The following PIEZO2 variants were observed in gnomAD, a reference collection of about 807,000 sequenced individuals.
PIEZO2 encodes piezo type mechanosensitive ion channel component 2.
A neutral mutation model predicts 337.3 loss-of-function variants in PIEZO2; 172 were observed. The ratio of observed to expected loss-of-function variants is 0.51; its 90% CI spans 0.45 to 0.58. The LOEUF (loss-of-function observed/expected upper bound fraction) is 0.58. PIEZO2 is among the 20% of genes least tolerant of loss of function. PIEZO2 has a pLI of 0.00. For missense variants in PIEZO2, 3,028 were observed against 3,391.3 expected, an observed-to-expected ratio of 0.89 and a Z score of 2.66; for synonymous variants, 1,251 against 1,228.5, an observed-to-expected ratio of 1.02 and a Z score of -0.38.
chr18:11,045,182 A>C (rs2145824612), intron 2 of PIEZO2, among the ~76,000 whole-genome samples: 1 of 151,162 alleles, frequency 6.6e-6, no homozygotes, highest in South Asian at 2.1e-4. Flanking sequence ...CTGTAGTCTC[A>C]GCTACCTGGG....
chr18:11,117,200 A>C (rs549827905), intron 1 of PIEZO2, among the ~76,000 whole-genome samples: 3 of 152,364 alleles, frequency 2.0e-5, no homozygotes, highest in Middle Eastern at 3.4e-3. Context: ...GGAGATGGAT[A>C]TCCTAAACAC....
At chr18:10,902,626 A>G (rs1236554553) in intron 4 of PIEZO2, among the ~76,000 whole-genome samples, 2 of 152,222 alleles carry the variant, frequency 1.3e-5, no homozygotes, top group African/African-American at 4.8e-5. Flanking sequence ...AAGTAATAGT[A>G]TAAATAATAT....
intron 43 of PIEZO2, among the ~76,000 whole-genome samples, chr18:10,701,418 C>A (rs2035325361): frequency 6.6e-6 from 1 of 152,214 alleles, no homozygotes; most frequent in Non-Finnish European, 1.5e-5. Flanking sequence ...TGAGTGGCCT[C>A]CTCCACAATA....
In PIEZO2 at chr18:10,861,886, C is replaced by T. The variant is rs189177082; in HGVS notation, c.493-4675G>A. ...TACAAAAATTAGCTGGGCATGGTGG[C>T]GCACGCCTGTAATCCCAGCTACTCA... On this transcript the variant is annotated intron_variant, in intron 5 of 55. Coordinates refer to ENST00000674853, the MANE Select transcript of PIEZO2 (RefSeq NM_001378183.1). This position sits in a 1 kb window ranked among gnomAD's most constrained non-coding sequence, Gnocchi z 4.3. Among the ~76,000 whole-genome samples, 75 of 152,016 alleles carry T rather than the reference C, an allele frequency of 4.9e-4. No individual in the cohort carries two copies. In the East Asian group the frequency reaches 5.6e-3, roughly 11 times the overall value.
At chr18:11,023,634 C>T (rs2036404376) in intron 2 of PIEZO2, among the ~76,000 whole-genome samples, 1 of 152,254 alleles carries the variant, frequency 6.6e-6, no homozygotes, top group Non-Finnish European at 1.5e-5. Flanking sequence ...CCTGCCAGTC[C>T]CGTGCCGTGT....
intron 2 of PIEZO2, among the ~76,000 whole-genome samples, chr18:11,065,327 G>A (rs1014103355): frequency 4.6e-5 from 7 of 152,098 alleles, no homozygotes; most frequent in African/African-American, 9.7e-5. Flanking sequence ...GTAAACATAC[G>A]GCCATTGCAC....
At position 11,031,847 on chromosome 18, in the gene PIEZO2, G is replaced by C. The variant is rs536304880; in HGVS notation, c.160+34280C>G. Among the ~76,000 whole-genome samples the C allele has an allele frequency of 6.6e-6, 1 of 152,200 alleles. No individual in the cohort carries two copies. Among genetic ancestry groups the C allele is most frequent in the East Asian group, 1.9e-4 (1 of 5,184 alleles). On this transcript the variant is annotated intron_variant, in intron 2 of 55. Coordinates refer to ENST00000674853, the MANE Select transcript of PIEZO2 (RefSeq NM_001378183.1). This position sits in a 1 kb window ranked among gnomAD's most constrained non-coding sequence, Gnocchi z 4.7. The stretch of plus-strand genomic sequence containing the variant: ...GGCAATGGCTATTTATTAATCTATT[G>C]GGTGTATTTTAATATTTTATAATCC...
rs755483662 is a variant in PIEZO2 at position 10,736,749 on chromosome 18, A to G, written c.4709-39T>C. ...AATATTCACTCATTTCTTGAAAGAC[A>G]TATAAGGAAATTGGGGGCTTATTAA... is the stretch of plus-strand genomic sequence containing the variant. On this transcript the variant is annotated intron_variant, in intron 33 of 55. Transcript: ENST00000674853. The G allele has an allele frequency of 7.2e-6, 11 of 1,525,324 alleles. No homozygotes were observed. In the Admixed American group the frequency reaches 1.2e-4, roughly 17 times the overall value. 94.5% of individuals were successfully genotyped at this position (1,525,324 alleles called of 1,614,324 possible).
At chr18:11,062,442 C>A (rs1457915043) in intron 2 of PIEZO2, among the ~76,000 whole-genome samples, 1 of 152,140 alleles carries the variant, frequency 6.6e-6, no homozygotes. Flanking sequence ...CTCTGCACAG[C>A]AAAAGAAACT....
Position 11,127,310 on chromosome 18 carries a change from G to A in PIEZO2, c.64+21215C>T, listed in dbSNP as rs1041688773. 1.3e-5 allele frequency among the ~76,000 whole-genome samples: 2 copies of A among 152,190 alleles called. No individual in the cohort carries two copies. Among genetic ancestry groups the A allele is most frequent in the African/African-American group, 4.8e-5 (2 of 41,452 alleles). On this transcript the variant is annotated intron_variant, in intron 1 of 55. Transcript: ENST00000674853. The surrounding 1 kb of genome is among the most constrained non-coding windows in gnomAD (Gnocchi z 4.5). The stretch of plus-strand genomic sequence containing the variant: ...AAAGCAAAAATAGTTGCATCTGAAT[G>A]TGATGGTTAATACTGAGTGTGAACT...
intron 3 of PIEZO2, among the ~76,000 whole-genome samples, chr18:10,925,724 C>T (rs1310073815): frequency 1.3e-5 from 2 of 152,268 alleles, no homozygotes; most frequent in Non-Finnish European, 2.9e-5. Context: ...GGACTACAGG[C>T]GCCCGCCCTA....
chr18:10,770,506 T>C (rs1308505026), intron 20 of PIEZO2, among the ~76,000 whole-genome samples, 198 bp from the exon 21 acceptor site: 1 of 152,194 alleles, frequency 6.6e-6, no homozygotes, highest in Non-Finnish European at 1.5e-5. Context: ...CTCTCAGACT[T>C]GGAGGGACAA....
Position 10,696,201 on chromosome 18 carries a change from C to T in PIEZO2, c.7063G>A (p.Gly2355Arg). The T allele has an allele frequency of 6.2e-7, 1 of 1,613,890 alleles. No individual in the cohort carries two copies. The change falls in exon 47 of 56, where the codon GGA becomes AGA. Residue 2355 changes from glycine (G) to arginine (R), a missense_variant. Transcript: ENST00000674853. ...PFLVMVLIQF[G>R]TMVVDRALYL... ...AGGGCTCGGTCCACCACCATGGTTC[C>T]AAACTGAATGAGGACCATCACCAAA...
intron 47 of PIEZO2, among the ~76,000 whole-genome samples, chr18:10,694,010 A>G (rs2034976438): frequency 6.6e-6 from 1 of 152,182 alleles, no homozygotes; most frequent in Non-Finnish European, 1.5e-5. Context: ...GCTATATTTA[A>G]TCTCCCAATA....
chr18:10,752,586 T>G, intron 28 of PIEZO2, 50 bp downstream of exon 28: 1 of 1,521,374 alleles, frequency 6.6e-7, no homozygotes, highest in Non-Finnish European at 8.8e-7. Context: ...AGTGGACTGT[T>G]TACTCTTACA....
chr18:10,959,703 G>A (rs1056872134), intron 3 of PIEZO2, among the ~76,000 whole-genome samples: 19 of 152,178 alleles, frequency 1.2e-4, no homozygotes, highest in Admixed American at 5.9e-4. Context: ...TTGTCCAAGG[G>A]TAAAGAGAAG....
chr18:10,685,697 G>A (rs1031853875), intron 49 of PIEZO2, among the ~76,000 whole-genome samples: 4 of 152,180 alleles, frequency 2.6e-5, no homozygotes, highest in South Asian at 4.1e-4. Context: ...TCATTCAGGG[G>A]CTTTTGTGAT....
chr18:11,036,369 T>C (rs1410253226), intron 2 of PIEZO2, among the ~76,000 whole-genome samples: 4 of 152,170 alleles, frequency 2.6e-5, no homozygotes, highest in Non-Finnish European at 5.9e-5. Context: ...CTGAATTCTG[T>C]ACATAACTAT....
At position 10,833,650 on chromosome 18, in the gene PIEZO2, C is replaced by T. The variant is rs1359610151; in HGVS notation, c.917+21703G>A. ...TTCCAGAGCCAAGTACAGTTCCAATCTGTGTCTACCCGCAGGCTTCACCCA... is the reference window on the plus strand; with the variant it reads ...TTCCAGAGCCAAGTACAGTTCCAATTTGTGTCTACCCGCAGGCTTCACCCA... On this transcript the variant is annotated intron_variant, in intron 7 of 55. Coordinates refer to ENST00000674853, the MANE Select transcript of PIEZO2 (RefSeq NM_001378183.1). The surrounding 1 kb of genome is among the most constrained non-coding windows in gnomAD (Gnocchi z 4.7). 6.6e-6 allele frequency among the ~76,000 whole-genome samples: 1 copy of T among 152,236 alleles called. No individual in the cohort carries two copies. The highest frequency in any genetic ancestry group is 1.9e-4 in the East Asian group (1 of 5,196).
Sources: gnomAD v4.1 joint callset for allele counts (sites outside exome capture counted in the v4.1 genomes callset) on GRCh38, gnomAD v4.1.1 for gene constraint, Gnocchi (gnomAD v3.1) non-coding constraint, MANE v1.5 for transcripts, NCBI Gene and HGNC (gene_info 2026-07-23, HGNC 2026-07-21) for gene names.